ESRRG: variants seen among roughly 807,000 people sequenced by gnomAD.
The protein encoded by ESRRG is estrogen related receptor gamma, also known as estrogen-related receptor gamma.
In ESRRG, 13 loss-of-function variants were observed where a neutral mutation model predicts 44.0. The observed-to-expected ratio is 0.30, with a 90% CI of 0.19 to 0.47. The LOEUF (loss-of-function observed/expected upper bound fraction) is 0.47. Ranked by LOEUF, ESRRG falls within the 20% of genes least tolerant of loss-of-function variation. The probability of loss-of-function intolerance (pLI) is 1.00; values close to 1 mark genes in which losing one functional copy is unlikely to be tolerated. For missense variants in ESRRG, 395 were observed against 580.6 expected, an observed-to-expected ratio of 0.68 and a Z score of 3.29; for synonymous variants, 215 against 214.6, an observed-to-expected ratio of 1.00 and a Z score of -0.02.
At chr1:216,772,301 G>A (rs1011006564) in intron 2 of ESRRG, among the ~76,000 whole-genome samples, 1 of 152,094 alleles carries the variant, frequency 6.6e-6, no homozygotes, top group African/African-American at 2.4e-5. Context: ...TCCTAAAACG[G>A]TGGATCTATG....
intron 1 of ESRRG, among the ~76,000 whole-genome samples, chr1:216,703,423 T>C (rs1047049692): frequency 6.6e-6 from 1 of 152,218 alleles, no homozygotes; most frequent in Admixed American, 6.5e-5. Context: ...AGGTTACCTT[T>C]AATTAAGTTT....
At chr1:216,859,464 A>C (rs61815647) in intron 2 of ESRRG, among the ~76,000 whole-genome samples, 29 of 152,240 alleles carry the variant, frequency 1.9e-4, no homozygotes, top group Middle Eastern at 6.3e-3. Flanking sequence ...AGAGATTTGC[A>C]GATAGTCCTT....
At chr1:217,082,530 T>C (rs2091836585) in intron 1 of ESRRG, among the ~76,000 whole-genome samples, 1 of 152,190 alleles carries the variant, frequency 6.6e-6, no homozygotes, top group African/African-American at 2.4e-5. Context: ...CCTTTTCTCA[T>C]AACACACTGT....
intron 1 of ESRRG, among the ~76,000 whole-genome samples, chr1:216,680,113 G>A (rs935315892): frequency 2.0e-5 from 3 of 152,184 alleles, no homozygotes; most frequent in Non-Finnish European, 4.4e-5. Flanking sequence ...TAGGTTGTAC[G>A]TGTTTTTGGC....
At chr1:216,611,185 A>G (rs988572182) in intron 3 of ESRRG, among the ~76,000 whole-genome samples, 1 of 148,698 alleles carries the variant, frequency 6.7e-6, no homozygotes, top group African/African-American at 2.5e-5. Flanking sequence ...CCTGGGCAAT[A>G]AGAGCCAAAA....
chr1:217,037,192 G>C (rs931695746), intron 1 of ESRRG, among the ~76,000 whole-genome samples: 1 of 152,094 alleles, frequency 6.6e-6, no homozygotes, highest in Non-Finnish European at 1.5e-5. Context: ...TCCCTCCTTT[G>C]TTTAAGAGAA....
intron 2 of ESRRG, among the ~76,000 whole-genome samples, chr1:216,927,693 T>G (rs1472206125): frequency 1.3e-5 from 2 of 152,138 alleles, no homozygotes; most frequent in Non-Finnish European, 2.9e-5. Flanking sequence ...AGAAATTTCC[T>G]TCAGGAATAT....
chr1:216,727,530 C>T (rs2087791155), upstream of ESRRG, among the ~76,000 whole-genome samples: 1 of 152,074 alleles, frequency 6.6e-6, no homozygotes, highest in Non-Finnish European at 1.5e-5. Context: ...TGCTTAAGAA[C>T]ACACCTTTCC....
intron 1 of ESRRG, among the ~76,000 whole-genome samples, chr1:217,113,177 A>C (rs1275749669): frequency 6.6e-6 from 1 of 152,198 alleles, no homozygotes; most frequent in African/African-American, 2.4e-5. Flanking sequence ...AGTTGCAGAC[A>C]TGGGCTTTTT....
At chr1:216,561,188 T>C (rs2058666120) in intron 5 of ESRRG, among the ~76,000 whole-genome samples, 1 of 152,156 alleles carries the variant, frequency 6.6e-6, no homozygotes, top group Non-Finnish European at 1.5e-5. Flanking sequence ...TTTTGTTGTA[T>C]CCTTCACTTT....
At chr1:216,934,311 A>G (rs1343836967) in intron 2 of ESRRG, among the ~76,000 whole-genome samples, 1 of 152,110 alleles carries the variant, frequency 6.6e-6, no homozygotes, top group Non-Finnish European at 1.5e-5. Context: ...GCAGGGACCT[A>G]TAATACCACC....
In ESRRG at chr1:216,651,100, A is replaced by G. The variant is rs1009936271; in HGVS notation, c.473-11T>C. The G allele has an allele frequency of 4.6e-6, 7 of 1,524,298 alleles. No individual in the cohort carries two copies. The highest frequency in any genetic ancestry group is 6.4e-6 in the Non-Finnish European group (7 of 1,098,462). 94.4% of individuals were successfully genotyped at this position (1,524,298 alleles called of 1,614,324 possible). A position where few individuals can be genotyped will look rare whatever the true frequency, so the allele number is the denominator to read the frequency against. Reference sequence around the variant, plus strand: ...TGTATTCTATATTGCCTAAAACACAAGTTTGAAGAAAAGTTGTCATATTTA... The same window carrying G: ...TGTATTCTATATTGCCTAAAACACAGGTTTGAAGAAAAGTTGTCATATTTA... On this transcript the variant is annotated splice_polypyrimidine_tract_variant and intron_variant, in intron 2 of 6. Coordinates refer to ENST00000408911, the MANE Select transcript of ESRRG (RefSeq NM_001438.4).
intron 3 of ESRRG, among the ~76,000 whole-genome samples, chr1:216,596,191 C>T (rs527251567): frequency 4.6e-5 from 7 of 152,298 alleles, no homozygotes; most frequent in Admixed American, 3.9e-4. Flanking sequence ...CTGTGTACAC[C>T]GCATTCCCTT....
At chr1:217,005,154 A>G (rs1377345038) in intron 1 of ESRRG, among the ~76,000 whole-genome samples, 3 of 152,166 alleles carry the variant, frequency 2.0e-5, no homozygotes, top group African/African-American at 7.2e-5. Context: ...TTGTGATTTT[A>G]TGTCTTATTT....
intron 1 of ESRRG, among the ~76,000 whole-genome samples, chr1:216,712,659 G>A (rs2789718): frequency 0.16 from 23,741 of 151,988 alleles, 2,285 homozygotes; most frequent in East Asian, 0.32. Flanking sequence ...TGCTTTCCTC[G>A]GGCAGGAATT....
chr1:216,982,434 A>T (rs1222318052), intron 1 of ESRRG, among the ~76,000 whole-genome samples: 1 of 152,110 alleles, frequency 6.6e-6, no homozygotes, highest in African/African-American at 2.4e-5. Flanking sequence ...CCCCATAAAC[A>T]AAGCACTGCC....
At chr1:217,121,119 TAC>T (rs71163790) in intron 1 of ESRRG, among the ~76,000 whole-genome samples, 55,100 of 148,148 alleles carry the variant, frequency 0.37, 10,387 homozygotes, top group East Asian at 0.59. Flanking sequence ...TCTTGAAGAA[TAC>T]ACACACACAC....
chr1:216,801,701 T>C (rs1306517397), intron 2 of ESRRG, among the ~76,000 whole-genome samples: 1 of 152,164 alleles, frequency 6.6e-6, no homozygotes, highest in African/African-American at 2.4e-5. Context: ...TGACGTTGAG[T>C]ACCTTTTCAT....
intron 2 of ESRRG, among the ~76,000 whole-genome samples, chr1:216,789,619 C>T (rs188377389): frequency 1.9e-4 from 29 of 152,190 alleles, no homozygotes; most frequent in Admixed American, 1.6e-3. Context: ...CGAGGTATGC[C>T]TGTAACTGAT....
Sources: allele counts gnomAD v4.1 joint callset (sites outside exome capture counted in the v4.1 genomes callset), GRCh38; gene constraint gnomAD v4.1.1; transcripts MANE v1.5; gene names NCBI Gene and HGNC (gene_info 2026-07-23, HGNC 2026-07-21).